The following OXNAD1 variants were observed in gnomAD, a reference collection of about 807,000 sequenced individuals.
OXNAD1 encodes the protein oxidoreductase NAD binding domain containing 1.
In OXNAD1, 34 loss-of-function variants were observed where a neutral mutation model predicts 32.9. The ratio of observed to expected loss-of-function variants is 1.03; its 90% confidence interval spans 0.79 to 1.38. The LOEUF (loss-of-function observed/expected upper bound fraction) is 1.38. OXNAD1 is among the 40% of genes most tolerant of loss of function. The pLI, the probability that OXNAD1 is intolerant of heterozygous loss-of-function variation, is 0.00. For synonymous variants in OXNAD1, 134 were observed against 135.2 expected (o/e 0.99, Z 0.06); for missense variants, 407 against 379.4 (o/e 1.07, Z -0.60).
chr3:16,273,384 G>GTTTTTT (rs34572763), intron 4 of OXNAD1, among the ~76,000 whole-genome samples: 1 of 121,010 alleles, frequency 8.3e-6, no homozygotes, highest in African/African-American at 3.2e-5. Flanking sequence ...GTATTTTCTT[G>GTTTTTT]TTTTTTTTTT....
In OXNAD1 at chr3:16,298,720, C is replaced by T. The variant is rs2066974008; in HGVS notation, c.433-2906C>T. The stretch of plus-strand genomic sequence containing the variant: ...TTCCTTTATTTTATCTGCTTTGGCT[C>T]AAGCTCTTGGCAGGGTAAAGGGTTC... On this transcript the variant is annotated intron_variant, in intron 6 of 8. Coordinates refer to ENST00000285083, the MANE Select transcript of OXNAD1 (RefSeq NM_138381.5). This position sits in a 1 kb window ranked among gnomAD's most constrained non-coding sequence, Gnocchi z 5.1. Among the ~76,000 whole-genome samples, 1 of 152,154 alleles carries T rather than the reference C, an allele frequency of 6.6e-6. No homozygotes were observed.
In OXNAD1 at chr3:16,312,847, G is replaced by A. The variant is rs1392488089; in HGVS notation, c.*30+9255G>A. On this transcript the variant is annotated intron_variant, in intron 9 of 9. Coordinates refer to the OXNAD1 transcript ENST00000435829. This position sits in a 1 kb window ranked among gnomAD's most constrained non-coding sequence, Gnocchi z 4.7. ...TCTAGTGAAGCATGGTCAACCTGGA[G>A]ATCTGAAAAAATCTGACAGGCATTT... Among the ~76,000 whole-genome samples the A allele has an allele frequency of 6.6e-6, 1 of 151,834 alleles. No homozygotes were observed. Among genetic ancestry groups the A allele is most frequent in the Non-Finnish European group, 1.5e-5 (1 of 67,868 alleles).
At chr3:16,283,152 C>A (rs896331212) in intron 4 of OXNAD1, among the ~76,000 whole-genome samples, 9 of 152,138 alleles carry the variant, frequency 5.9e-5, no homozygotes, top group Non-Finnish European at 1.3e-4. Context: ...GTCCAAGATG[C>A]ATCCATAATT....
chr3:16,285,913 C>T (rs2066040818), intron 4 of OXNAD1, among the ~76,000 whole-genome samples: 1 of 152,156 alleles, frequency 6.6e-6, no homozygotes, highest in Non-Finnish European at 1.5e-5. Context: ...CCTTACACCC[C>T]CAGAAGCAAG....
intron 4 of OXNAD1, among the ~76,000 whole-genome samples, chr3:16,272,825 A>G (rs1246886220): frequency 5.9e-5 from 9 of 151,776 alleles, no homozygotes; most frequent in Non-Finnish European, 1.2e-4. Flanking sequence ...ATTTCTTTTT[A>G]TAAAATGAAG....
chr3:16,350,795 G>T (rs1023107300), downstream of OXNAD1, among the ~76,000 whole-genome samples: 3 of 152,184 alleles, frequency 2.0e-5, no homozygotes, highest in African/African-American at 7.2e-5. Context: ...GCAGAGAACT[G>T]CTGTCTTTGG....
chr3:16,270,436 G>T (rs781240296), intron 2 of OXNAD1, among the ~76,000 whole-genome samples: 11 of 152,080 alleles, frequency 7.2e-5, no homozygotes, highest in Non-Finnish European at 1.5e-4. Flanking sequence ...ATGGCATTTG[G>T]ATAGTTTCCA....
chr3:16,271,154 A>G lies in OXNAD1; in HGVS notation c.119+83A>G. ...CTGATGGTTGTGGGAGGCATATCAA[A>G]CTCCCGGAAAGGTAACACCTTAGCT... On this transcript the variant is annotated intron_variant, in intron 3 of 8. Transcript: ENST00000285083. The surrounding 1 kb of genome is among the most constrained non-coding windows in gnomAD (Gnocchi z 4.6). 1 of 1,495,568 alleles carries G rather than the reference A, an allele frequency of 6.7e-7. No homozygotes were observed. Among genetic ancestry groups the G allele is most frequent in the Non-Finnish European group, 9.1e-7 (1 of 1,096,372 alleles). The allele number at this position is 1,495,568 out of a possible 1,614,324, so 92.6% of individuals were successfully genotyped here.
intron 9 of OXNAD1, chr3:16,315,712 G>A (rs2068313298): frequency 6.6e-6 from 1 of 152,172 alleles, no homozygotes. Context: ...GCTTTCCATG[G>A]GAACTTTGTC....
At chr3:16,330,417 C>T (rs763520229) in intron 9 of OXNAD1, among the ~76,000 whole-genome samples, 2 of 152,182 alleles carry the variant, frequency 1.3e-5, no homozygotes, top group Non-Finnish European at 1.5e-5. Flanking sequence ...ACTTTTAAGT[C>T]CATTAGCTAA....
In OXNAD1 at chr3:16,323,359, C is replaced by A. The variant is rs1426960319; in HGVS notation, c.*31-13753C>A. ...CCCTGCTGAGGAAAACCTAGGAAGG[C>A]CATCAAAGTCTCTTACCTTCGATTC... On this transcript the variant is annotated intron_variant, in intron 9 of 9. Coordinates refer to the OXNAD1 transcript ENST00000435829. 5 of 1,572,026 alleles carry A rather than the reference C, an allele frequency of 3.2e-6. No individual in the cohort carries two copies. The African/African-American group carries it at 6.8e-5, about 21-fold the overall frequency.
chr3:16,272,287 G>A lies in OXNAD1; in HGVS notation c.183+565G>A, dbSNP rs141048462. The A allele has an allele frequency of 5.6e-4, 199 of 354,312 alleles. 1 individual carries two copies. In the East Asian group the frequency reaches 9.0e-3, roughly 16 times the overall value. 21.9% of individuals were successfully genotyped at this position (354,312 alleles called of 1,614,324 possible). ...ATCTACCACCTGAAGGGGTGTCAAG[G>A]GCTGAGAAATAAAGGATCCTCACCC... is the stretch of plus-strand genomic sequence containing the variant. On this transcript the variant is annotated intron_variant, in intron 4 of 8. Transcript: ENST00000285083.
In OXNAD1 at chr3:16,287,905, C is replaced by G. The variant is rs145926275; in HGVS notation, c.290+1457C>G. Among the ~76,000 whole-genome samples, 8 of 152,106 alleles carry G rather than the reference C, an allele frequency of 5.3e-5. No individual in the cohort carries two copies. In the East Asian group the frequency reaches 1.5e-3, roughly 29 times the overall value. ...ATTTGGCCATTTCACTGAATTTAGG[C>G]CTGGTTTTCGTATGTGCCTGTCAGA... On this transcript the variant is annotated intron_variant, in intron 5 of 8. Coordinates refer to ENST00000285083, the MANE Select transcript of OXNAD1 (RefSeq NM_138381.5). This position sits in a 1 kb window ranked among gnomAD's most constrained non-coding sequence, Gnocchi z 4.8.
At chr3:16,275,237 CA>C (rs2065233228) in intron 4 of OXNAD1, 1 of 158,210 alleles carries the variant, frequency 6.3e-6, no homozygotes, top group Non-Finnish European at 1.4e-5. Context: ...GACTTTCTGC[CA>C]AAAATGTTCT....
At chr3:16,324,919 A>G (rs143169093) in intron 9 of OXNAD1, among the ~76,000 whole-genome samples, 1,563 of 152,122 alleles carry the variant, frequency 0.01, 14 homozygotes, top group Middle Eastern at 0.034. Context: ...CATAATGGCT[A>G]TATTAATTTA....
In OXNAD1 at chr3:16,327,611, A is replaced by T. The variant is rs994649856; in HGVS notation, c.*31-9501A>T. Among the ~76,000 whole-genome samples the T allele has an allele frequency of 2.0e-5, 3 of 152,022 alleles. No individual in the cohort carries two copies. Among genetic ancestry groups the T allele is most frequent in the Non-Finnish European group, 4.4e-5 (3 of 67,994 alleles). ...CGTCTCTACTAAAAATACAAAAAAA[A>T]TTAGCCAGGCCTGGTGGCGGGCGCC... On this transcript the variant is annotated intron_variant, in intron 9 of 9. Coordinates refer to the OXNAD1 transcript ENST00000435829. The surrounding 1 kb of genome is among the most constrained non-coding windows in gnomAD (Gnocchi z 4.2).
At chr3:16,324,646 TTGTGTGTGTGTGTGTGTGTGTGTGTG>T (rs71632869) in intron 9 of OXNAD1, among the ~76,000 whole-genome samples, 1 of 100,434 alleles carries the variant, frequency 1.0e-5, no homozygotes, top group Non-Finnish European at 1.9e-5. Context: ...TAGTATTCCA[TTGTGTGTGTGTGTGTGTGTGTGTGTG>T]TGTGTGTGTG....
chr3:16,324,865 C>T (rs2069538414), intron 9 of OXNAD1, among the ~76,000 whole-genome samples: 1 of 151,898 alleles, frequency 6.6e-6, no homozygotes, highest in Non-Finnish European at 1.5e-5. Context: ...GGATCATGTG[C>T]TAAGTCTATC....
rs1218711217 is a variant in OXNAD1 at position 16,284,108 on chromosome 3, G to A, written c.184-2234G>A. Among the ~76,000 whole-genome samples the A allele has an allele frequency of 1.3e-5, 2 of 152,164 alleles. No homozygotes were observed. Among genetic ancestry groups the A allele is most frequent in the South Asian group, 2.1e-4 (1 of 4,828 alleles). The stretch of plus-strand genomic sequence containing the variant: ...ATATTCAAGACAGTATGGCTTTTAC[G>A]TTTGCACTGGTAAAAACATGTACAA... On this transcript the variant is annotated intron_variant, in intron 4 of 8. Coordinates refer to ENST00000285083, the MANE Select transcript of OXNAD1 (RefSeq NM_138381.5). The surrounding 1 kb of genome is among the most constrained non-coding windows in gnomAD (Gnocchi z 4.1).
Sources: gnomAD v4.1 joint callset for allele counts (sites outside exome capture counted in the v4.1 genomes callset) on GRCh38, gnomAD v4.1.1 for gene constraint, Gnocchi (gnomAD v3.1) non-coding constraint, MANE v1.5 for transcripts, NCBI Gene and HGNC (gene_info 2026-07-23, HGNC 2026-07-21) for gene names.